MPHOSPH9: variants seen among roughly 807,000 people sequenced by gnomAD.
The protein encoded by MPHOSPH9 is M-phase phosphoprotein 9.
In MPHOSPH9, 88 loss-of-function variants were observed where a neutral mutation model predicts 145.5. The ratio of observed to expected loss-of-function variants is 0.60; its 90% CI spans 0.51 to 0.72. MPHOSPH9 has a LOEUF of 0.72. MPHOSPH9 is among the 30% of genes least tolerant of loss of function. The pLI is 0.00. For synonymous variants in MPHOSPH9, 435 were observed against 486.2 expected (o/e 0.89, Z 1.39); for missense variants, 1,238 against 1,386.6 (o/e 0.89, Z 1.70).
At chr12:123,160,970 C>A in intron 22 of MPHOSPH9, 121 bp from the exon 23 acceptor site, 2 of 1,333,500 alleles carry the variant, frequency 1.5e-6, no homozygotes, top group South Asian at 2.7e-5. Flanking sequence ...TAATTTCCCT[C>A]TGTCAATTAG....
chr12:123,226,678 G>A (rs1218618134), intron 3 of MPHOSPH9, among the ~76,000 whole-genome samples: 1 of 151,880 alleles, frequency 6.6e-6, no homozygotes, highest in Non-Finnish European at 1.5e-5. Context: ...ACCCAGGCTG[G>A]AGTGTAGTGC....
intron 12 of MPHOSPH9, among the ~76,000 whole-genome samples, chr12:123,197,387 G>A (rs2046007275): frequency 6.6e-6 from 1 of 151,744 alleles, no homozygotes. Context: ...ACCCAGGCTG[G>A]TCTCGAACTC....
chr12:123,191,431 C>T (rs2045671867), intron 13 of MPHOSPH9, among the ~76,000 whole-genome samples: 1 of 152,218 alleles, frequency 6.6e-6, no homozygotes, highest in Non-Finnish European at 1.5e-5. Context: ...GCTTGGACTA[C>T]AGGCGTGCAT....
chr12:123,227,389 T>C, intron 3 of MPHOSPH9, 74 bp downstream of exon 3: 1 of 1,141,878 alleles, frequency 8.8e-7, no homozygotes, highest in Non-Finnish European at 1.2e-6. Flanking sequence ...AAATTTCTAA[T>C]AATTTAGAGT....
intron 13 of MPHOSPH9, among the ~76,000 whole-genome samples, chr12:123,190,213 C>T (rs1468111113): frequency 1.3e-5 from 2 of 149,802 alleles, no homozygotes; most frequent in African/African-American, 4.9e-5. Flanking sequence ...AGTGCAGTGG[C>T]GCTACCTCAG....
Position 123,196,576 on chromosome 12 carries a change from G to A in MPHOSPH9, c.2025+1671C>T, listed in dbSNP as rs191200434. On this transcript the variant is annotated intron_variant, in intron 12 of 23. Coordinates refer to ENST00000606320, the MANE Select transcript of MPHOSPH9 (RefSeq NM_022782.4). ...CATAACAAAGGTCTTTGTTCAGAAA[G>A]AAAAAAAGTTACCTGTAAAAAAATA... Among the ~76,000 whole-genome samples, 533 of 151,950 alleles carry A rather than the reference G, an allele frequency of 3.5e-3. 1 individual carries two copies. The highest frequency in any genetic ancestry group is 0.012 in the African/African-American group (516 of 41,474).
chr12:123,190,858 C>T (rs1032422251), intron 13 of MPHOSPH9, among the ~76,000 whole-genome samples: 1 of 152,156 alleles, frequency 6.6e-6, no homozygotes, highest in African/African-American at 2.4e-5. Context: ...TGTTATATTA[C>T]TCTCTATACT....
chr12:123,201,355 C>T (rs1472832254), intron 11 of MPHOSPH9, among the ~76,000 whole-genome samples: 2 of 152,054 alleles, frequency 1.3e-5, no homozygotes, highest in African/African-American at 2.4e-5. Context: ...TCAGCTAGAC[C>T]TGCATCGATT....
At chr12:123,241,418 A>G (rs2047935398) in intron 1 of MPHOSPH9, among the ~76,000 whole-genome samples, 1 of 149,046 alleles carries the variant, frequency 6.7e-6, no homozygotes, top group Non-Finnish European at 1.5e-5. Context: ...GCTCACTACA[A>G]CCTCTGCCTC....
intron 23 of MPHOSPH9, among the ~76,000 whole-genome samples, chr12:123,157,917 AAAG>A (rs1350705425): frequency 6.6e-6 from 1 of 152,204 alleles, no homozygotes; most frequent in Non-Finnish European, 1.5e-5. Context: ...AATAAGCAAA[AAAG>A]AAAAAAAAAC....
At chr12:123,171,262 T>A (rs2044567072) in intron 16 of MPHOSPH9, among the ~76,000 whole-genome samples, 1 of 151,564 alleles carries the variant, frequency 6.6e-6, no homozygotes, top group Admixed American at 6.6e-5. Context: ...GAGACCAGCC[T>A]GGCCAACAAG....
chr12:123,232,730 G>A (rs951167917), intron 1 of MPHOSPH9, among the ~76,000 whole-genome samples: 2 of 152,048 alleles, frequency 1.3e-5, no homozygotes, highest in Admixed American at 6.6e-5. Context: ...AAAAGCCACC[G>A]CTCCTGCAAC....
rs1163238815 is a variant in MPHOSPH9 at position 123,179,918 on chromosome 12, C to T, written c.2354+8G>A. On this transcript the variant is annotated splice_region_variant and intron_variant, in intron 15 of 23. Transcript: ENST00000606320. ...GTATGTGTACATTAGTAAGTTAATA[C>T]ATTTTACCTTTTCAAATCAGAAATC... 3 of 1,373,234 alleles carry T rather than the reference C, an allele frequency of 2.2e-6. No individual in the cohort carries two copies. The highest frequency in any genetic ancestry group is 3.0e-6 in the Non-Finnish European group (3 of 1,003,442). 85.1% of individuals were successfully genotyped at this position (1,373,234 alleles called of 1,614,324 possible). A position where few individuals can be genotyped will look rare whatever the true frequency, so the allele number is the denominator to read the frequency against.
At chr12:123,232,476 C>CA (rs1433630301) in intron 1 of MPHOSPH9, among the ~76,000 whole-genome samples, 3 of 151,764 alleles carry the variant, frequency 2.0e-5, no homozygotes, top group Admixed American at 2.0e-4. Context: ...TACCCCCTAG[C>CA]AAAAAAAGGG....
intron 2 of MPHOSPH9, 115 bp downstream of exon 2, chr12:123,230,146 T>A (rs1194296053): frequency 1.4e-5 from 9 of 661,622 alleles, no homozygotes; most frequent in Admixed American, 3.2e-5. Flanking sequence ...TGATGATAGG[T>A]TAAAAAATAA....
chr12:123,220,883 G>A (rs1158067585), intron 5 of MPHOSPH9, among the ~76,000 whole-genome samples: 3 of 151,962 alleles, frequency 2.0e-5, no homozygotes, highest in Non-Finnish European at 2.9e-5. Context: ...GTGTAACCCC[G>A]TCTCTACTAA....
Position 123,227,605 on chromosome 12 carries a change from T to C in MPHOSPH9, c.116A>G (p.His39Arg). The C allele has an allele frequency of 6.6e-7, 1 of 1,511,712 alleles. No individual in the cohort carries two copies. Among genetic ancestry groups the C allele is most frequent in the Non-Finnish European group, 8.8e-7 (1 of 1,137,686 alleles). The allele number at this position is 1,511,712 out of a possible 1,614,324, so 93.6% of individuals were successfully genotyped here. A position where few individuals can be genotyped will look rare whatever the true frequency, so the allele number is the denominator to read the frequency against. ...AGAGGATACCCCATTTGTACTAAGG[T>C]GGGGACTACTTCTGTTGAAACATAA... ...LNLNTDRSSP[H>R]LSTNGVSSFS... is the part of the protein sequence containing the mutation. Residue 39 changes from histidine (H) to arginine (R), a missense_variant, in exon 3 of 24, where the codon CAC (histidine) becomes CGC (arginine). His to Arg is a conservative substitution (Grantham distance 29). Transcript: ENST00000606320.
intron 5 of MPHOSPH9, among the ~76,000 whole-genome samples, chr12:123,220,655 G>C (rs895640275): frequency 5.3e-5 from 8 of 152,078 alleles, no homozygotes; most frequent in African/African-American, 1.9e-4. Flanking sequence ...CATAGTCCTA[G>C]CTACTCAGGA....
chr12:123,190,277 C>T (rs996765766), intron 13 of MPHOSPH9, among the ~76,000 whole-genome samples: 1 of 151,832 alleles, frequency 6.6e-6, no homozygotes, highest in African/African-American at 2.4e-5. Context: ...CTCAGCCTCC[C>T]GAGTAGCTGG....
Sources: gnomAD v4.1 joint callset for allele counts (sites outside exome capture counted in the v4.1 genomes callset) on GRCh38, gnomAD v4.1.1 for gene constraint, MANE v1.5 for transcripts, NCBI Gene and HGNC (gene_info 2026-07-23, HGNC 2026-07-21) for gene names.